TDRD7: variants seen among roughly 807,000 people sequenced by gnomAD.
The protein encoded by TDRD7 is tudor domain-containing protein 7.
In TDRD7, 47 loss-of-function variants were observed where a neutral mutation model predicts 109.8. That is an observed-to-expected ratio of 0.43 (90% CI 0.34 to 0.55). The LOEUF is 0.55. Among genes scored for constraint, TDRD7 ranks in the 20% least tolerant of loss-of-function variants. The pLI is 0.03. For missense variants in TDRD7, 1,164 were observed against 1,319.2 expected (o/e 0.88, Z 1.82); for synonymous variants, 424 against 457.3 (o/e 0.93, Z 0.93).
At chr9:97,475,592 A>G in intron 12 of TDRD7, 123 bp downstream of exon 12, 2 of 778,298 alleles carry the variant, frequency 2.6e-6, no homozygotes, top group South Asian at 3.0e-5. Context: ...ATGAAATAAA[A>G]CATGACCAGT....
intron 5 of TDRD7, among the ~76,000 whole-genome samples, chr9:97,439,788 T>C (rs1334127329): frequency 1.3e-5 from 2 of 152,222 alleles, no homozygotes; most frequent in Non-Finnish European, 2.9e-5. Flanking sequence ...TAAATATGAA[T>C]ATAAATAATT....
intron 7 of TDRD7, 124 bp from the exon 8 acceptor site, chr9:97,464,718 A>G (rs1296852175): frequency 3.2e-6 from 3 of 948,884 alleles, no homozygotes; most frequent in East Asian, 5.0e-5. Flanking sequence ...CCCTGTTGAT[A>G]TAAGCAAGTC....
intron 1 of TDRD7, among the ~76,000 whole-genome samples, chr9:97,415,850 G>C (rs778981395): frequency 3.3e-5 from 5 of 152,104 alleles, no homozygotes; most frequent in Non-Finnish European, 5.9e-5. Context: ...TTAGAACAAA[G>C]TATTCTTATA....
intron 1 of TDRD7, among the ~76,000 whole-genome samples, chr9:97,414,233 GTTTACAGT>G (rs1827775343): frequency 6.6e-6 from 1 of 152,176 alleles, no homozygotes; most frequent in South Asian, 2.1e-4. Flanking sequence ...AGCCAAATAT[GTTTACAGT>G]TTTGTCTTTC....
chr9:97,420,536 G>T (rs1000184001), intron 1 of TDRD7, among the ~76,000 whole-genome samples: 1 of 152,212 alleles, frequency 6.6e-6, no homozygotes, highest in Non-Finnish European at 1.5e-5. Context: ...ATAGAATCAT[G>T]TATGTAGCCT....
Position 97,412,686 on chromosome 9 carries a change from A to G in TDRD7, c.-7+448A>G, listed in dbSNP as rs892313093. ...CGCGCTCCCCTATTTGAACCCAAGTATTTTACACCACGAACTTCTCTTGAA... is the reference window on the plus strand; with the variant it reads ...CGCGCTCCCCTATTTGAACCCAAGTGTTTTACACCACGAACTTCTCTTGAA... On this transcript the variant is annotated intron_variant, in intron 1 of 16. Transcript: ENST00000355295. This position sits in a 1 kb window ranked among gnomAD's most constrained non-coding sequence, Gnocchi z 4.3. 2.0e-5 allele frequency among the ~76,000 whole-genome samples: 3 copies of G among 152,162 alleles called. No individual in the cohort carries two copies. Among genetic ancestry groups the G allele is most frequent in the South Asian group, 2.1e-4 (1 of 4,838 alleles).
intron 1 of TDRD7, among the ~76,000 whole-genome samples, chr9:97,427,865 AGT>A (rs1828028055): frequency 6.6e-6 from 1 of 152,176 alleles, no homozygotes; most frequent in Non-Finnish European, 1.5e-5. Context: ...ATTGCTGAGT[AGT>A]GATCTTTCTA....
chr9:97,439,656 A>G (rs959497107), intron 5 of TDRD7, among the ~76,000 whole-genome samples: 3 of 152,338 alleles, frequency 2.0e-5, no homozygotes, highest in African/African-American at 7.2e-5. Flanking sequence ...CCTCACATAA[A>G]GGAAACATCT....
chr9:97,427,419 G>A (rs749550778), intron 1 of TDRD7, among the ~76,000 whole-genome samples: 7 of 152,046 alleles, frequency 4.6e-5, no homozygotes, highest in Non-Finnish European at 8.8e-5. Context: ...TTCTTGAATG[G>A]TAGCCTTCTG....
intron 16 of TDRD7, among the ~76,000 whole-genome samples, chr9:97,490,676 T>C (rs962757895): frequency 6.6e-6 from 1 of 151,856 alleles, no homozygotes; most frequent in African/African-American, 2.4e-5. Context: ...CTTTCTCTCC[T>C]TCTAGAATTC....
chr9:97,484,131 C>T (rs1226731402), intron 15 of TDRD7, among the ~76,000 whole-genome samples: 3 of 152,334 alleles, frequency 2.0e-5, no homozygotes, highest in Non-Finnish European at 2.9e-5. Flanking sequence ...CAGCTGCATC[C>T]TGGCATCTGT....
At chr9:97,463,690 C>T (rs1444510554) in intron 7 of TDRD7, among the ~76,000 whole-genome samples, 1 of 152,012 alleles carries the variant, frequency 6.6e-6, no homozygotes, top group Non-Finnish European at 1.5e-5. Context: ...GGTTTTACAC[C>T]CTAGAAGGAG....
intron 7 of TDRD7, among the ~76,000 whole-genome samples, chr9:97,464,209 T>C (rs747397107): frequency 6.6e-6 from 1 of 152,218 alleles, no homozygotes; most frequent in African/African-American, 2.4e-5. Context: ...TTCCTGACTT[T>C]TCTCAGCCTT....
At position 97,460,688 on chromosome 9, in the gene TDRD7, C is replaced by T. The variant is rs377406077; in HGVS notation, c.1366C>T (p.Pro456Ser). The change falls in exon 7 of 17, where the codon CCT becomes TCT. Residue 456 changes from proline to serine, a missense_variant. Around this residue, in one of 5 missense-constraint regions of TDRD7, gnomAD observed 407 missense variants for 394.0 expected, o/e 1.03. Coordinates refer to ENST00000355295, the MANE Select transcript of TDRD7 (RefSeq NM_014290.3). ...CTTTATGGAGGACATAACAGTTCCT[C>T]CTTTAATGATTCCAACTGAAGCATC... ...NTFMEDITVP[P>S]LMIPTEASPS... 3.1e-6 allele frequency: 5 copies of T among 1,614,036 alleles called. No homozygotes were observed. Among genetic ancestry groups the T allele is most frequent in the Non-Finnish European group, 3.4e-6 (4 of 1,180,044 alleles).
chr9:97,421,105 A>G (rs539236033), intron 1 of TDRD7, among the ~76,000 whole-genome samples: 29 of 151,532 alleles, frequency 1.9e-4, no homozygotes, highest in African/African-American at 6.1e-4. Context: ...ACTGCACTCC[A>G]GCCTGGGCCA....
At chr9:97,483,483 T>G (rs1829158996) in intron 15 of TDRD7, 132 bp downstream of exon 15, 1 of 1,128,950 alleles carries the variant, frequency 8.9e-7, no homozygotes, top group African/African-American at 1.6e-5. Flanking sequence ...AACACAGTAA[T>G]TTTTCCGATT....
intron 1 of TDRD7, among the ~76,000 whole-genome samples, chr9:97,425,930 A>G (rs1204177199): frequency 6.6e-6 from 1 of 152,178 alleles, no homozygotes; most frequent in Non-Finnish European, 1.5e-5. Flanking sequence ...CCAGGCTTCA[A>G]CCCTGTTCAG....
chr9:97,426,835 T>G (rs1828004796), intron 1 of TDRD7, among the ~76,000 whole-genome samples: 1 of 152,026 alleles, frequency 6.6e-6, no homozygotes, highest in African/African-American at 2.4e-5. Flanking sequence ...GATATTTTGT[T>G]TTCTTTTTAA....
chr9:97,477,822 A>T (rs1829047953), intron 12 of TDRD7, among the ~76,000 whole-genome samples: 1 of 152,190 alleles, frequency 6.6e-6, no homozygotes, highest in Admixed American at 6.5e-5. Context: ...AGCAATATAT[A>T]ATAATGTATC....
Sources: gnomAD v4.1 joint callset for allele counts (sites outside exome capture counted in the v4.1 genomes callset) on GRCh38, gnomAD v4.1.1 for gene constraint, gnomAD v4.1.1 regional missense constraint, Gnocchi (gnomAD v3.1) non-coding constraint, MANE v1.5 for transcripts, NCBI Gene and HGNC (gene_info 2026-07-23, HGNC 2026-07-21) for gene names.